Variants in NAV3 observed in about 807,000 individuals in gnomAD.
The protein encoded by NAV3 is pore membrane and/or filament interacting like protein 1.
A neutral mutation model predicts 244.7 loss-of-function variants in NAV3; 87 were observed. That is an observed-to-expected ratio of 0.36 (90% confidence interval 0.30 to 0.42). The LOEUF is 0.42. Ranked by LOEUF, NAV3 falls within the 20% of genes least tolerant of loss-of-function variation. The pLI is 1.00. For synonymous variants in NAV3, 1,126 were observed against 1,042.2 expected (o/e 1.08, Z -1.55); for missense variants, 2,663 against 2,893.3 (o/e 0.92, Z 1.83).
intron 12 of NAV3, among the ~76,000 whole-genome samples, chr12:78,094,668 G>T (rs1005646723): frequency 1.3e-5 from 2 of 151,926 alleles, no homozygotes; most frequent in Admixed American, 1.3e-4. Flanking sequence ...TTGAGGAAAC[G>T]GTGAAGATAT....
intron 2 of NAV3, among the ~76,000 whole-genome samples, chr12:77,738,448 A>C (rs1202200620): frequency 6.6e-6 from 1 of 152,236 alleles, no homozygotes; most frequent in East Asian, 1.9e-4. Context: ...ATTTGTTATT[A>C]TCATGACTTC....
At position 77,949,272 on chromosome 12, in the gene NAV3, G is replaced by A. The variant is rs373138907; in HGVS notation, c.414+8139G>A. Among the ~76,000 whole-genome samples, 9 of 152,078 alleles carry A rather than the reference G, an allele frequency of 5.9e-5. No individual in the cohort carries two copies. The South Asian group carries it at 1.0e-3, about 17-fold the overall frequency. On this transcript the variant is annotated intron_variant, in intron 3 of 39. Transcript: ENST00000397909. The stretch of plus-strand genomic sequence containing the variant: ...ATGGTATATACCTAGTGCTGTGCTA[G>A]GTGTTTTGCTTATGCTTTTCATTTA...
chr12:77,779,993 G>C (rs867294242), intron 2 of NAV3, among the ~76,000 whole-genome samples: 3 of 152,168 alleles, frequency 2.0e-5, no homozygotes, highest in African/African-American at 7.2e-5. Context: ...CTGTTGGATA[G>C]TTTCTTTGGA....
intron 2 of NAV3, among the ~76,000 whole-genome samples, chr12:77,756,078 G>T (rs533393556): frequency 2.4e-4 from 36 of 152,052 alleles, no homozygotes; most frequent in East Asian, 2.1e-3. Context: ...TACTCATTTT[G>T]TTCTCTTTAA....
intron 1 of NAV3, among the ~76,000 whole-genome samples, chr12:77,879,425 T>C (rs1308322371): frequency 6.6e-6 from 1 of 152,108 alleles, no homozygotes; most frequent in Non-Finnish European, 1.5e-5. Context: ...CCTAAGACTT[T>C]GGGAGGTCCA....
At chr12:77,731,850 G>A (rs1282344233) in intron 2 of NAV3, among the ~76,000 whole-genome samples, 5 of 151,860 alleles carry the variant, frequency 3.3e-5, no homozygotes, top group African/African-American at 7.3e-5. Context: ...CTGAAGAAGC[G>A]GAGATTGCAA....
intron 12 of NAV3, 50 bp from the exon 13 acceptor site, chr12:78,116,722 C>T (rs1316843705): frequency 6.8e-7 from 1 of 1,460,098 alleles, no homozygotes; most frequent in Non-Finnish European, 9.2e-7. Flanking sequence ...AGGTGACTTG[C>T]ATTGTGCATC....
intron 2 of NAV3, among the ~76,000 whole-genome samples, chr12:77,705,681 C>CG (rs1565779795): frequency 6.6e-6 from 1 of 151,252 alleles, no homozygotes; most frequent in East Asian, 1.9e-4. Flanking sequence ...TTTGTTCCCC[C>CG]GGGGGTCAAA....
intron 1 of NAV3, among the ~76,000 whole-genome samples, chr12:77,930,437 A>G (rs1436555005): frequency 8.8e-6 from 1 of 113,148 alleles, no homozygotes; most frequent in Non-Finnish European, 1.8e-5. Flanking sequence ...GGCTACATTT[A>G]CCTTTTTTTT....
At chr12:77,978,957 G>T (rs1005471987) in intron 5 of NAV3, among the ~76,000 whole-genome samples, 1 of 151,752 alleles carries the variant, frequency 6.6e-6, no homozygotes, top group Non-Finnish European at 1.5e-5. Flanking sequence ...GTTTTCACTA[G>T]AAAACATATT....
chr12:77,887,937 C>T (rs982479240), intron 1 of NAV3, among the ~76,000 whole-genome samples: 8 of 150,908 alleles, frequency 5.3e-5, no homozygotes, highest in Non-Finnish European at 1.2e-4. Context: ...TTTTAGATAT[C>T]TAAGAGGGAA....
At chr12:78,116,012 T>C (rs1009128598) in intron 12 of NAV3, among the ~76,000 whole-genome samples, 1 of 152,228 alleles carries the variant, frequency 6.6e-6, no homozygotes, top group African/African-American at 2.4e-5. Flanking sequence ...GATTTTCTTA[T>C]GCACTGTGTG....
At chr12:77,920,147 T>C (rs1409455251) in intron 1 of NAV3, among the ~76,000 whole-genome samples, 1 of 151,980 alleles carries the variant, frequency 6.6e-6, no homozygotes. Context: ...CTTAGTATCT[T>C]TAAATAGTAG....
At chr12:77,990,843 G>T (rs1172584091) in intron 5 of NAV3, among the ~76,000 whole-genome samples, 1 of 151,588 alleles carries the variant, frequency 6.6e-6, no homozygotes, top group African/African-American at 2.4e-5. Flanking sequence ...AAAGAAATTG[G>T]GTCATTTGTC....
intron 1 of NAV3, among the ~76,000 whole-genome samples, chr12:77,858,791 A>G (rs1262305724): frequency 6.6e-6 from 1 of 152,122 alleles, no homozygotes; most frequent in Admixed American, 6.6e-5. Context: ...TTTATATGTT[A>G]TATCCATATA....
At chr12:77,581,155 A>C (rs1395835446) in intron 2 of NAV3, among the ~76,000 whole-genome samples, 1 of 152,192 alleles carries the variant, frequency 6.6e-6, no homozygotes, top group Admixed American at 6.5e-5. Context: ...TGCATGATCT[A>C]CATGGAAAAT....
At chr12:78,204,586 T>C (rs1047219413) in intron 38 of NAV3, among the ~76,000 whole-genome samples, 3 of 152,110 alleles carry the variant, frequency 2.0e-5, no homozygotes, top group African/African-American at 7.2e-5. Context: ...TCTTCCATAA[T>C]TGAAGCTTTT....
intron 1 of NAV3, among the ~76,000 whole-genome samples, chr12:77,869,604 C>G (rs1880633243): frequency 6.6e-6 from 1 of 152,170 alleles, no homozygotes; most frequent in African/African-American, 2.4e-5. Context: ...TTACTAACTT[C>G]CAGACCTCAG....
chr12:78,117,998 A>G (rs2138559795), intron 13 of NAV3, 29 bp from the exon 14 acceptor site: 1 of 1,522,716 alleles, frequency 6.6e-7, no homozygotes, highest in South Asian at 1.3e-5. Context: ...TTTCTACATA[A>G]AGTTTTTCTG....
Sources: allele counts gnomAD v4.1 joint callset (sites outside exome capture counted in the v4.1 genomes callset), GRCh38; gene constraint gnomAD v4.1.1; transcripts MANE v1.5; gene names NCBI Gene and HGNC (gene_info 2026-07-23, HGNC 2026-07-21).